Variants in KCNIP4 observed in about 807,000 individuals in gnomAD.
KCNIP4 encodes the protein potassium voltage-gated channel interacting protein 4, also known as Kv channel-interacting protein 4.
KCNIP4 carries 12 observed loss-of-function variants against 34.0 expected under a neutral mutation model. That is an observed-to-expected ratio of 0.35 (90% CI 0.23 to 0.57). The LOEUF (loss-of-function observed/expected upper bound fraction) is 0.57, where lower values mean the gene tolerates loss of function less well. KCNIP4 is among the 20% of genes least tolerant of loss of function. The pLI, the probability that KCNIP4 is intolerant of heterozygous loss-of-function variation, is 0.83. For synonymous variants in KCNIP4, 124 were observed against 102.2 expected, an observed-to-expected ratio of 1.21 and a Z score of -1.29; for missense variants, 238 against 311.7, an observed-to-expected ratio of 0.76 and a Z score of 1.78.
chr4:21,065,100 T>A (rs1744233742), intron 1 of KCNIP4, among the ~76,000 whole-genome samples: 1 of 152,208 alleles, frequency 6.6e-6, no homozygotes, highest in African/African-American at 2.4e-5. Context: ...GGCAGCCCTA[T>A]GTTTTGTTTC....
At chr4:21,310,302 C>A (rs1030856142) in intron 1 of KCNIP4, among the ~76,000 whole-genome samples, 1 of 152,152 alleles carries the variant, frequency 6.6e-6, no homozygotes, top group African/African-American at 2.4e-5. Context: ...TCCCAAAGTG[C>A]TGGGACTACA....
chr4:20,974,576 T>C (rs944737445), intron 1 of KCNIP4, among the ~76,000 whole-genome samples: 5 of 152,182 alleles, frequency 3.3e-5, no homozygotes, highest in African/African-American at 9.6e-5. Context: ...TCAAGGCTGC[T>C]TGATGCTCAG....
chr4:21,178,862 G>C (rs1374989811), intron 1 of KCNIP4, among the ~76,000 whole-genome samples: 1 of 148,464 alleles, frequency 6.7e-6, no homozygotes, highest in Non-Finnish European at 1.5e-5. Context: ...CATTGCTCAG[G>C]TTGCAGTGCA....
chr4:21,788,116 G>C (rs1720029510), intron 1 of KCNIP4, among the ~76,000 whole-genome samples: 1 of 152,148 alleles, frequency 6.6e-6, no homozygotes, highest in Non-Finnish European at 1.5e-5. Flanking sequence ...TCACTCTTTT[G>C]CAAGTAAACC....
intron 1 of KCNIP4, among the ~76,000 whole-genome samples, chr4:21,557,432 T>TA (rs894681962): frequency 6.6e-6 from 1 of 152,182 alleles, no homozygotes; most frequent in African/African-American, 2.4e-5. Flanking sequence ...CATGGCTATG[T>TA]AAAAAACATT....
chr4:21,475,932 T>C (rs543528707), intron 1 of KCNIP4, among the ~76,000 whole-genome samples: 26 of 152,338 alleles, frequency 1.7e-4, no homozygotes, highest in African/African-American at 5.8e-4. Context: ...GCACCTTTTT[T>C]TCCAATGCGC....
intron 1 of KCNIP4, among the ~76,000 whole-genome samples, chr4:21,874,428 T>C (rs571227014): frequency 2.5e-4 from 38 of 152,336 alleles, no homozygotes; most frequent in African/African-American, 8.4e-4. Flanking sequence ...GGCTTTCAGC[T>C]GGTTTGGGGG....
intron 1 of KCNIP4, among the ~76,000 whole-genome samples, chr4:21,567,832 G>A (rs1196638776): frequency 6.6e-6 from 1 of 152,046 alleles, no homozygotes; most frequent in Admixed American, 6.6e-5. Flanking sequence ...ATCAAGTAGC[G>A]TGAGTGATAA....
chr4:21,947,766 C>T (rs1567800), intron 1 of KCNIP4, among the ~76,000 whole-genome samples: 12,444 of 152,234 alleles, frequency 0.082, 1,405 homozygotes, highest in African/African-American at 0.25. Context: ...AAAATCACTT[C>T]CATTCTCTTT....
chr4:21,494,713 C>T (rs975517604), intron 1 of KCNIP4, among the ~76,000 whole-genome samples: 8 of 148,446 alleles, frequency 5.4e-5, no homozygotes, highest in Admixed American at 2.0e-4. Context: ...GTGGAGGTTG[C>T]GGTGAGCCAA....
At chr4:21,308,778 A>G (rs927823517) in intron 1 of KCNIP4, among the ~76,000 whole-genome samples, 4 of 151,882 alleles carry the variant, frequency 2.6e-5, no homozygotes, top group African/African-American at 9.7e-5. Flanking sequence ...GAAAAGGGAC[A>G]CTGTTGTGAC....
At chr4:20,985,658 G>T (rs991825027) in intron 1 of KCNIP4, among the ~76,000 whole-genome samples, 14 of 152,124 alleles carry the variant, frequency 9.2e-5, no homozygotes, top group African/African-American at 3.4e-4. Context: ...TCTTTTGGGG[G>T]CTTATAGTTT....
intron 1 of KCNIP4, among the ~76,000 whole-genome samples, chr4:21,515,200 G>T (rs2109932577): frequency 6.6e-6 from 1 of 152,260 alleles, no homozygotes; most frequent in South Asian, 2.1e-4. Context: ...GCTCAGTGAT[G>T]GGGGCTCCTG....
At chr4:21,550,866 G>A (rs936386799) in intron 1 of KCNIP4, among the ~76,000 whole-genome samples, 1 of 152,042 alleles carries the variant, frequency 6.6e-6, no homozygotes, top group African/African-American at 2.4e-5. Flanking sequence ...GCCAAAGCCA[G>A]CATGACACAG....
At chr4:21,105,110 A>T (rs1428711634) in intron 1 of KCNIP4, among the ~76,000 whole-genome samples, 2 of 151,646 alleles carry the variant, frequency 1.3e-5, no homozygotes, top group African/African-American at 4.9e-5. Context: ...ACCTTAAAGT[A>T]GTTTTTTTCC....
intron 1 of KCNIP4, among the ~76,000 whole-genome samples, chr4:21,595,124 A>C (rs1742539667): frequency 1.3e-5 from 2 of 152,004 alleles, no homozygotes; most frequent in South Asian, 4.2e-4. Flanking sequence ...ATTTGTCCTA[A>C]TGCTATCCCT....
At chr4:21,177,462 C>T (rs1453586019) in intron 1 of KCNIP4, among the ~76,000 whole-genome samples, 1 of 152,146 alleles carries the variant, frequency 6.6e-6, no homozygotes, top group African/African-American at 2.4e-5. Flanking sequence ...CTATCTTCTT[C>T]ATAGCAGGGC....
At chr4:21,005,284 G>A (rs1738460410) in intron 1 of KCNIP4, among the ~76,000 whole-genome samples, 1 of 152,190 alleles carries the variant, frequency 6.6e-6, no homozygotes, top group South Asian at 2.1e-4. Context: ...CACAGGCAGA[G>A]CTGGCCACGT....
chr4:21,597,296 C>T (rs922939835), intron 1 of KCNIP4, among the ~76,000 whole-genome samples: 1 of 151,946 alleles, frequency 6.6e-6, no homozygotes, highest in Non-Finnish European at 1.5e-5. Context: ...TCTTGTCTGC[C>T]GCGATGTAAG....
Sources: gnomAD v4.1 joint callset for allele counts (sites outside exome capture counted in the v4.1 genomes callset) on GRCh38, gnomAD v4.1.1 for gene constraint, MANE v1.5 for transcripts, NCBI Gene and HGNC (gene_info 2026-07-23, HGNC 2026-07-21) for gene names.